Variants in EHHADH observed in about 807,000 individuals in gnomAD.
EHHADH encodes peroxisomal bifunctional enzyme.
Under a neutral mutation model 64.4 loss-of-function variants are expected in EHHADH, and 48 were observed. That is an observed-to-expected ratio of 0.75 (90% CI 0.59 to 0.95). EHHADH has a LOEUF of 0.95. Ranked by LOEUF, EHHADH falls within the 40% of genes least tolerant of loss-of-function variation. EHHADH has a pLI of 0.00. For synonymous variants in EHHADH, 308 were observed against 326.7 expected (o/e 0.94, Z 0.62); for missense variants, 854 against 876.6 (o/e 0.97, Z 0.33).
chr3:185,228,128 G>C (rs1412716803), intron 4 of EHHADH, among the ~76,000 whole-genome samples: 6 of 144,604 alleles, frequency 4.1e-5, no homozygotes, highest in Non-Finnish European at 9.0e-5. Context: ...CAAATATATG[G>C]TAAACCTGAG....
intron 6 of EHHADH, among the ~76,000 whole-genome samples, chr3:185,201,109 G>A (rs1718209236): frequency 6.6e-6 from 1 of 152,156 alleles, no homozygotes; most frequent in Non-Finnish European, 1.5e-5. Flanking sequence ...TGAAGAGAGG[G>A]GTTTCAGATT....
chr3:185,250,670 A>G (rs1719722480), intron 1 of EHHADH, among the ~76,000 whole-genome samples: 1 of 149,856 alleles, frequency 6.7e-6, no homozygotes, highest in South Asian at 2.1e-4. Flanking sequence ...ATTAGTTAAA[A>G]CCCCAAGAAA....
intron 4 of EHHADH, among the ~76,000 whole-genome samples, chr3:185,226,650 CAA>C (rs59522852): frequency 3.8e-5 from 5 of 133,268 alleles, no homozygotes; most frequent in African/African-American, 8.8e-5. Flanking sequence ...ACTCCATCTC[CAA>C]AAAAAAAAAA....
In EHHADH at chr3:185,191,137, T is replaced by C. The variant is rs79230744; in HGVS notation, c.*1089A>G. The C allele has an allele frequency of 0.07, 10,638 of 152,342 alleles. 450 individuals are homozygous for C. Among genetic ancestry groups the C allele is most frequent in the South Asian group, 0.12 (561 of 4,830 alleles). 9.4% of individuals were successfully genotyped at this position (152,342 alleles called of 1,614,324 possible). A position where few individuals can be genotyped will look rare whatever the true frequency, so the allele number is the denominator to read the frequency against. On this transcript the variant is annotated 3_prime_UTR_variant, in exon 7 of 7. Transcript: ENST00000231887. ...ACCACTAATGTACGGAAAGTATTTTTTGTAGAGACAGGGTTTTGCTATGTT... is the reference window on the plus strand; with the variant it reads ...ACCACTAATGTACGGAAAGTATTTTCTGTAGAGACAGGGTTTTGCTATGTT...
At chr3:185,225,825 C>T (rs996025229) in intron 4 of EHHADH, among the ~76,000 whole-genome samples, 1 of 152,150 alleles carries the variant, frequency 6.6e-6, no homozygotes, top group Non-Finnish European at 1.5e-5. Context: ...GGGATTTCTT[C>T]CTCCAGATAT....
chr3:185,249,350 G>A (rs544858663), intron 1 of EHHADH, among the ~76,000 whole-genome samples: 1 of 152,170 alleles, frequency 6.6e-6, no homozygotes, highest in Non-Finnish European at 1.5e-5. Context: ...GGATGTTCTC[G>A]ATCTCTTGAG....
At chr3:185,252,427 A>G (rs1719775569) in intron 1 of EHHADH, among the ~76,000 whole-genome samples, 1 of 151,820 alleles carries the variant, frequency 6.6e-6, no homozygotes, top group African/African-American at 2.4e-5. Flanking sequence ...TAAAAAAAAA[A>G]GAAAAAAAAA....
At chr3:185,198,674 C>G (rs1472087726) in intron 6 of EHHADH, among the ~76,000 whole-genome samples, 2 of 151,852 alleles carry the variant, frequency 1.3e-5, no homozygotes, top group South Asian at 2.1e-4. Context: ...CATGGCAAAA[C>G]CCCATCTCTA....
At chr3:185,225,094 T>C (rs1019203427) in intron 4 of EHHADH, among the ~76,000 whole-genome samples, 3 of 152,180 alleles carry the variant, frequency 2.0e-5, no homozygotes, top group Non-Finnish European at 4.4e-5. Context: ...AAAACAACCA[T>C]GTGGTTGTTT....
intron 1 of EHHADH, among the ~76,000 whole-genome samples, chr3:185,249,187 G>A (rs567134648): frequency 6.6e-6 from 1 of 152,004 alleles, no homozygotes; most frequent in East Asian, 1.9e-4. Flanking sequence ...GGAGTGCAGT[G>A]GCGCGATCTG....
In EHHADH at chr3:185,224,216, T is replaced by C. The variant is rs62288661; in HGVS notation, c.463+5216A>G. Among the ~76,000 whole-genome samples the C allele has an allele frequency of 7.2e-5, 11 of 151,980 alleles. No homozygotes were observed. In the South Asian group the frequency reaches 2.3e-3, roughly 32 times the overall value. On this transcript the variant is annotated intron_variant, in intron 4 of 6. Coordinates refer to ENST00000231887, the MANE Select transcript of EHHADH (RefSeq NM_001966.4). The stretch of plus-strand genomic sequence containing the variant: ...ACCCTTTCTTAGAAAAAAAAAAATT[T>C]CGGCCGGGCGCAGTGGCTCACACCT...
At chr3:185,200,132 C>CT (rs1423484596) in intron 6 of EHHADH, among the ~76,000 whole-genome samples, 1 of 152,162 alleles carries the variant, frequency 6.6e-6, no homozygotes, top group East Asian at 1.9e-4. Context: ...ACTGAGATTG[C>CT]TGGGTTACCT....
intron 6 of EHHADH, among the ~76,000 whole-genome samples, chr3:185,198,767 T>C (rs2108626227): frequency 6.6e-6 from 1 of 152,008 alleles, no homozygotes; most frequent in Non-Finnish European, 1.5e-5. Context: ...AAAGAATTGC[T>C]TGAAACTGGA....
chr3:185,204,108 G>A (rs1043205129), intron 6 of EHHADH, among the ~76,000 whole-genome samples: 7 of 141,354 alleles, frequency 5.0e-5, no homozygotes, highest in African/African-American at 1.1e-4. Flanking sequence ...ACTCCTGCCT[G>A]GGTGACAGAA....
At chr3:185,210,706 G>T (rs574425161) in intron 5 of EHHADH, among the ~76,000 whole-genome samples, 2 of 152,002 alleles carry the variant, frequency 1.3e-5, no homozygotes, top group South Asian at 4.2e-4. Context: ...TTCAGAAGCT[G>T]ATTTTAAGGT....
chr3:185,193,524 A>T (rs1425545574), intron 6 of EHHADH, 37 bp from the exon 7 acceptor site: 1 of 1,604,438 alleles, frequency 6.2e-7, no homozygotes, highest in Admixed American at 1.7e-5. Flanking sequence ...AGAATGATTC[A>T]GTGGTATTGG....
intron 6 of EHHADH, among the ~76,000 whole-genome samples, chr3:185,204,017 C>G (rs1429097545): frequency 2.6e-5 from 4 of 150,970 alleles, no homozygotes. Context: ...GCAGTAGTCA[C>G]AGCTACTCAG....
chr3:185,246,067 T>C, intron 2 of EHHADH: 1 of 1,276,848 alleles, frequency 7.8e-7, no homozygotes, highest in Non-Finnish European at 1.1e-6. Flanking sequence ...CATTCTTCTT[T>C]TTCTTCTTTT....
intron 6 of EHHADH, among the ~76,000 whole-genome samples, chr3:185,193,709 C>T (rs558036745): frequency 7.2e-5 from 11 of 151,992 alleles, no homozygotes; most frequent in Non-Finnish European, 1.5e-4. Context: ...GCTATACAAA[C>T]TAATAAATGA....
Sources: allele counts gnomAD v4.1 joint callset (sites outside exome capture counted in the v4.1 genomes callset), GRCh38; gene constraint gnomAD v4.1.1; transcripts MANE v1.5; gene names NCBI Gene and HGNC (gene_info 2026-07-23, HGNC 2026-07-21).